The following UBE2W variants were observed in gnomAD, a reference collection of about 807,000 sequenced individuals.
The protein encoded by UBE2W is ubiquitin-conjugating enzyme E2 W.
A neutral mutation model predicts 27.2 loss-of-function variants in UBE2W; 18 were observed. The ratio of observed to expected loss-of-function variants is 0.66; its 90% CI spans 0.46 to 0.98. The LOEUF (loss-of-function observed/expected upper bound fraction) is 0.98. Among genes scored for constraint, UBE2W ranks in the 50% least tolerant of loss-of-function variants. The pLI is 0.00. For synonymous variants in UBE2W, 53 were observed against 57.2 expected (o/e 0.93, Z 0.33); for missense variants, 90 against 180.2 (o/e 0.50, Z 2.87).
At position 73,856,080 on chromosome 8, in the gene UBE2W, A is replaced by G. The variant is rs552854877; in HGVS notation, c.15+22728T>C. Among the ~76,000 whole-genome samples, 165 of 152,278 alleles carry G rather than the reference A, an allele frequency of 1.1e-3. 1 individual carries two copies. Among genetic ancestry groups the G allele is most frequent in the Admixed American group, 4.1e-3 (63 of 15,286 alleles). The stretch of plus-strand genomic sequence containing the variant: ...GTTATTTCCATATATCCATATCCTT[A>G]AACAACTATAATGGTTTAAAATGTT... On this transcript the variant is annotated intron_variant, in intron 1 of 5. Transcript: ENST00000602593.
intron 5 of UBE2W, among the ~76,000 whole-genome samples, chr8:73,797,319 G>A (rs1160300479): frequency 5.9e-5 from 9 of 152,146 alleles, no homozygotes; most frequent in African/African-American, 2.2e-4. Context: ...AGTAATACAG[G>A]TCAGTGGATA....
exon 5 of UBE2W, chr8:73,780,175 T>C (rs1281116941): frequency 6.2e-6 from 1 of 162,092 alleles, no homozygotes; most frequent in African/African-American, 2.4e-5. Context: ...AGCAGAATCA[T>C]GTTCTCTCCC....
intron 3 of UBE2W, among the ~76,000 whole-genome samples, chr8:73,821,095 T>C (rs7845523): frequency 0.057 from 8,675 of 152,164 alleles, 813 homozygotes; most frequent in African/African-American, 0.19. Context: ...CATAGATAAA[T>C]AGGCATTTTT....
At chr8:73,878,243 A>G (rs1761445994) in intron 1 of UBE2W, among the ~76,000 whole-genome samples, 1 of 152,230 alleles carries the variant, frequency 6.6e-6, no homozygotes, top group African/African-American at 2.4e-5. Context: ...GCACAGGATT[A>G]AGAGTCAAAG....
At chr8:73,871,378 A>AT (rs1812004562) in intron 1 of UBE2W, among the ~76,000 whole-genome samples, 1 of 152,212 alleles carries the variant, frequency 6.6e-6, no homozygotes. Flanking sequence ...ATGCAGTTTT[A>AT]TATGTTTATC....
At chr8:73,869,343 G>A (rs892996525) in intron 1 of UBE2W, among the ~76,000 whole-genome samples, 3 of 152,082 alleles carry the variant, frequency 2.0e-5, no homozygotes, top group Non-Finnish European at 2.9e-5. Flanking sequence ...GGATCACAAG[G>A]TCTAGGAGTT....
chr8:73,848,179 A>G (rs920682958), intron 1 of UBE2W, among the ~76,000 whole-genome samples: 1 of 152,182 alleles, frequency 6.6e-6, no homozygotes, highest in South Asian at 2.1e-4. Flanking sequence ...CCAGCCTGGG[A>G]AAAACTGTGT....
chr8:73,854,983 TA>T (rs1237343643), intron 1 of UBE2W, among the ~76,000 whole-genome samples: 2 of 152,266 alleles, frequency 1.3e-5, no homozygotes, highest in Non-Finnish European at 2.9e-5. Flanking sequence ...ACGGTAAATT[TA>T]TGTCATCTGT....
chr8:73,798,939 T>TA (rs1003443973), intron 5 of UBE2W, among the ~76,000 whole-genome samples: 1 of 152,014 alleles, frequency 6.6e-6, no homozygotes, highest in Admixed American at 6.6e-5. Flanking sequence ...GTTTTTTTTT[T>TA]AACCCTATTC....
In UBE2W at chr8:73,792,598, T is replaced by C. The variant is rs1808250470; in HGVS notation, c.*1504A>G. 8 of 985,638 alleles carry C rather than the reference T, an allele frequency of 8.1e-6. No homozygotes were observed. Among genetic ancestry groups the C allele is most frequent in the Non-Finnish European group, 7.2e-6 (6 of 829,826 alleles). The allele number at this position is 985,638 out of a possible 1,614,324, so 61.1% of individuals were successfully genotyped here. A position where few individuals can be genotyped will look rare whatever the true frequency, so the allele number is the denominator to read the frequency against. On this transcript the variant is annotated 3_prime_UTR_variant, in exon 6 of 6. Coordinates refer to ENST00000602593, the MANE Select transcript of UBE2W (RefSeq NM_018299.6). ...CTGGCTTTCAGTTTTAAGCCCAAAT[T>C]GATTCATATATTCACTGCAGGATAT...
rs946205019 is a variant in UBE2W, at chr8:73,786,638, G to A, written c.*7464C>T. On this transcript the variant is annotated 3_prime_UTR_variant, in exon 6 of 6. Transcript: ENST00000602593. Reference sequence around the variant, plus strand: ...CTAGGAGGGAAGAACATTAGCAGACGGCAGTGGAAGCTTGCATTGCTACTG... The same window carrying A: ...CTAGGAGGGAAGAACATTAGCAGACAGCAGTGGAAGCTTGCATTGCTACTG... 1.4e-4 allele frequency: 136 copies of A among 985,322 alleles called. No homozygotes were observed. Among genetic ancestry groups the A allele is most frequent in the Non-Finnish European group, 1.6e-4 (129 of 829,960 alleles). The allele number at this position is 985,322 out of a possible 1,614,324, so 61.0% of individuals were successfully genotyped here.
At chr8:73,850,750 A>C (rs1811042339) in intron 1 of UBE2W, among the ~76,000 whole-genome samples, 1 of 130,112 alleles carries the variant, frequency 7.7e-6, no homozygotes, top group Non-Finnish European at 1.7e-5. Flanking sequence ...AAAAAAAAAA[A>C]CAGGACACAG....
intron 1 of UBE2W, among the ~76,000 whole-genome samples, chr8:73,838,283 T>TC (rs1379162330): frequency 2.6e-5 from 4 of 152,190 alleles, no homozygotes; most frequent in Admixed American, 1.3e-4. Flanking sequence ...TTCCTTTTTT[T>TC]CCCCCCGGTA....
intron 1 of UBE2W, among the ~76,000 whole-genome samples, chr8:73,872,792 T>C (rs1812053081): frequency 6.6e-6 from 1 of 152,226 alleles, no homozygotes; most frequent in Non-Finnish European, 1.5e-5. Flanking sequence ...AACACAAGGT[T>C]ACTTTATGTA....
rs1554579999 is a variant in UBE2W, at chr8:73,805,472, C to CAAAAACAAAAAAAAA, written c.442+178_442+179insTTTTTTTTTGTTTTT. 3.0e-4 allele frequency among the ~76,000 whole-genome samples: 13 copies of CAAAAACAAAAAAAAA among 43,676 alleles called. 2 individuals carry two copies. Among genetic ancestry groups the CAAAAACAAAAAAAAA allele is most frequent in the Non-Finnish European group, 4.0e-4 (8 of 20,124 alleles). The allele number at this position is 43,676 out of a possible 152,430, so 28.7% of individuals were successfully genotyped here. A position where few individuals can be genotyped will look rare whatever the true frequency, so the allele number is the denominator to read the frequency against. On this transcript the variant is annotated intron_variant, in intron 5 of 5. Coordinates refer to ENST00000602593, the MANE Select transcript of UBE2W (RefSeq NM_018299.6). Reference sequence around the variant, plus strand: ...TCCATCTCAAAAAAAAAAAAAAAAACAAAAAAAACTAGGGTAATTCATCCA... The same window carrying CAAAAACAAAAAAAAA: ...TCCATCTCAAAAAAAAAAAAAAAAACAAAAACAAAAAAAAAAAAAAAAACTAGGGTAATTCATCCA...
At chr8:73,872,443 C>T (rs16938738) in intron 1 of UBE2W, among the ~76,000 whole-genome samples, 17,608 of 152,098 alleles carry the variant, frequency 0.12, 3,274 homozygotes, top group African/African-American at 0.39. Context: ...TTGCTGCATG[C>T]GTTTGCCATA....
intron 5 of UBE2W, among the ~76,000 whole-genome samples, chr8:73,795,331 A>T (rs942249669): frequency 2.0e-5 from 3 of 152,102 alleles, no homozygotes; most frequent in African/African-American, 7.2e-5. Context: ...TTCACATGAG[A>T]TCTGGCTGTT....
At chr8:73,874,568 C>T (rs1812140375) in intron 1 of UBE2W, among the ~76,000 whole-genome samples, 1 of 152,224 alleles carries the variant, frequency 6.6e-6, no homozygotes, top group South Asian at 2.1e-4. Context: ...TAAAAATTCA[C>T]TTCAATAAAA....
chr8:73,876,109 CTTCTT>C (rs1222557879), intron 1 of UBE2W, among the ~76,000 whole-genome samples: 1 of 152,008 alleles, frequency 6.6e-6, no homozygotes, highest in Admixed American at 6.6e-5. Flanking sequence ...TTATCTGTCT[CTTCTT>C]ATGAGACTAT....
Sources: gnomAD v4.1 joint callset for allele counts (sites outside exome capture counted in the v4.1 genomes callset) on GRCh38, gnomAD v4.1.1 for gene constraint, MANE v1.5 for transcripts, NCBI Gene and HGNC (gene_info 2026-07-23, HGNC 2026-07-21) for gene names.